The following SASH1 variants were observed in gnomAD, a reference collection of about 807,000 sequenced individuals.
SASH1 encodes the protein SAM and SH3 domain containing 1, also known as SAM and SH3 domain-containing protein 1.
A neutral mutation model predicts 125.2 loss-of-function variants in SASH1; 44 were observed. The ratio of observed to expected loss-of-function variants is 0.35; its 90% CI spans 0.28 to 0.45. The LOEUF is 0.45. Among genes scored for constraint, SASH1 ranks in the 20% least tolerant of loss-of-function variants. SASH1 has a pLI of 1.00. For missense variants in SASH1, 1,426 were observed against 1,614.5 expected (o/e 0.88, Z 2.00); for synonymous variants, 639 against 649.1 (o/e 0.98, Z 0.24).
chr6:148,538,341 A>G (rs1418509127), intron 16 of SASH1, among the ~76,000 whole-genome samples: 2 of 152,198 alleles, frequency 1.3e-5, no homozygotes. Flanking sequence ...CACCAGGGAC[A>G]GAGTACACCG....
chr6:148,302,632 T>C (rs1779996947), intron 1 of SASH1, among the ~76,000 whole-genome samples: 1 of 147,052 alleles, frequency 6.8e-6, no homozygotes, highest in South Asian at 2.1e-4. Context: ...CATATATATA[T>C]AGGGTACATT....
At chr6:148,409,079 C>T (rs1289867787) in intron 2 of SASH1, among the ~76,000 whole-genome samples, 1 of 152,166 alleles carries the variant, frequency 6.6e-6, no homozygotes, top group African/African-American at 2.4e-5. Context: ...GGCTCTTGCC[C>T]TTGTGTACCT....
intron 2 of SASH1, among the ~76,000 whole-genome samples, chr6:148,392,131 A>T (rs1413545666): frequency 1.3e-5 from 2 of 152,140 alleles, no homozygotes; most frequent in Non-Finnish European, 2.9e-5. Flanking sequence ...CTAAAAAAAT[A>T]TAAAATTAGC....
At chr6:148,470,004 C>T (rs373891106) in intron 5 of SASH1, among the ~76,000 whole-genome samples, 20 of 142,064 alleles carry the variant, frequency 1.4e-4, no homozygotes, top group East Asian at 4.1e-4. Context: ...CCAGCCTGGG[C>T]GACAGAGCAA....
At chr6:148,387,544 TTTCTTTTC>T in intron 1 of SASH1, among the ~76,000 whole-genome samples, 2 of 144,650 alleles carry the variant, frequency 1.4e-5, no homozygotes, top group Admixed American at 6.9e-5. Context: ...CTTTCTTTCT[TTTCTTTTC>T]CTTTCTTTCT....
the SASH1 span, among the ~76,000 whole-genome samples, chr6:148,222,528 A>G: frequency 6.6e-6 from 1 of 152,168 alleles, no homozygotes; most frequent in Non-Finnish European, 1.5e-5. Context: ...TTTTGCACCA[A>G]GAAGTGAACT....
chr6:148,202,991 T>A, the SASH1 span, among the ~76,000 whole-genome samples: 2 of 151,312 alleles, frequency 1.3e-5, no homozygotes, highest in African/African-American at 4.9e-5. Context: ...AGAAAGAATA[T>A]AGAAAAATTG....
intron 7 of SASH1, among the ~76,000 whole-genome samples, chr6:148,484,651 A>G (rs980561933): frequency 3.3e-5 from 5 of 152,130 alleles, no homozygotes; most frequent in African/African-American, 4.8e-5. Flanking sequence ...ATAATTAAAA[A>G]AAACAGTTGC....
intron 4 of SASH1, among the ~76,000 whole-genome samples, chr6:148,455,950 GC>G (rs998275293): frequency 2.0e-5 from 3 of 152,024 alleles, no homozygotes; most frequent in African/African-American, 7.2e-5. Context: ...CTCCCCTGCT[GC>G]CCCCAGGGCA....
chr6:148,423,781 G>C (rs1583134667), intron 2 of SASH1, among the ~76,000 whole-genome samples: 1 of 152,174 alleles, frequency 6.6e-6, no homozygotes, highest in East Asian at 1.9e-4. Flanking sequence ...TCGTTGAATA[G>C]ATGAAGACAT....
At position 148,302,341 on chromosome 6, in the gene SASH1, A is replaced by AAAAAAAAAAAAAAAAAAAAAAAAAT. The variant is rs34513109; in HGVS notation, n.74+29964_74+29965insAAAAAAAAAAAAAAAAAAAAAAAAT. On this transcript the variant is annotated intron_variant and non_coding_transcript_variant, in intron 1 of 3. Transcript: ENST00000367469. The stretch of plus-strand genomic sequence containing the variant: ...AAAAAAAAAAAAAAAAAAAAAAAAA[A>AAAAAAAAAAAAAAAAAAAAAAAAAT]CTAGTAATATTATGACCTTGGTTAA... Among the ~76,000 whole-genome samples the AAAAAAAAAAAAAAAAAAAAAAAAAT allele has an allele frequency of 9.6e-5, 10 of 104,422 alleles. 1 individual carries two copies. Among genetic ancestry groups the AAAAAAAAAAAAAAAAAAAAAAAAAT allele is most frequent in the East Asian group, 3.9e-4 (1 of 2,574 alleles). The allele number at this position is 104,422 out of a possible 152,430, so 68.5% of individuals were successfully genotyped here. A position where few individuals can be genotyped will look rare whatever the true frequency, so the allele number is the denominator to read the frequency against.
At chr6:148,538,721 A>G (rs907586212) in intron 16 of SASH1, among the ~76,000 whole-genome samples, 54 of 152,196 alleles carry the variant, frequency 3.5e-4, no homozygotes, top group African/African-American at 1.2e-3. Flanking sequence ...GCCTCCCCGC[A>G]TTTTTATTTT....
intron 1 of SASH1, among the ~76,000 whole-genome samples, chr6:148,351,156 T>C (rs1160444140): frequency 2.6e-5 from 4 of 150,986 alleles, no homozygotes; most frequent in South Asian, 2.1e-4. Context: ...GACAAACGCT[T>C]GAGAAAGGGC....
chr6:148,417,984 C>G (rs1784897601), intron 2 of SASH1, among the ~76,000 whole-genome samples: 1 of 152,128 alleles, frequency 6.6e-6, no homozygotes, highest in Admixed American at 6.5e-5. Flanking sequence ...GGCACATGTA[C>G]TCAATTTATA....
At chr6:148,367,012 C>T (rs565390067) in intron 1 of SASH1, among the ~76,000 whole-genome samples, 1 of 125,220 alleles carries the variant, frequency 8.0e-6, no homozygotes, top group East Asian at 2.4e-4. Flanking sequence ...TGCTCTGTTG[C>T]CCAGGCTGGA....
At chr6:148,427,919 T>C (rs1373189327) in intron 2 of SASH1, among the ~76,000 whole-genome samples, 1 of 152,228 alleles carries the variant, frequency 6.6e-6, no homozygotes, top group African/African-American at 2.4e-5. Flanking sequence ...CTTTGCCCAA[T>C]GTGAAAGCAT....
the SASH1 span, among the ~76,000 whole-genome samples, chr6:148,207,410 T>G: frequency 6.6e-6 from 1 of 152,260 alleles, no homozygotes; most frequent in Admixed American, 6.5e-5. Flanking sequence ...GTTAGACTGA[T>G]GACTGTCCTC....
At chr6:148,303,813 A>ATAAG (rs1195896777) in intron 1 of SASH1, among the ~76,000 whole-genome samples, 2 of 151,020 alleles carry the variant, frequency 1.3e-5, no homozygotes, top group Non-Finnish European at 3.0e-5. Flanking sequence ...AAATAAATAA[A>ATAAG]TAAATAAATA....
At chr6:148,250,842 A>C in the SASH1 span, among the ~76,000 whole-genome samples, 1 of 152,208 alleles carries the variant, frequency 6.6e-6, no homozygotes, top group Non-Finnish European at 1.5e-5. Flanking sequence ...ATGATTAAGC[A>C]TGGATAAAAG....
Sources: allele counts gnomAD v4.1 joint callset (sites outside exome capture counted in the v4.1 genomes callset), GRCh38; gene constraint gnomAD v4.1.1; transcripts MANE v1.5; gene names NCBI Gene and HGNC (gene_info 2026-07-23, HGNC 2026-07-21).